BAIAP2: variants seen among roughly 807,000 people sequenced by gnomAD.
BAIAP2 encodes BAR/IMD domain containing adaptor protein 2.
Under a neutral mutation model 63.0 loss-of-function variants are expected in BAIAP2, and 18 were observed. That is an observed-to-expected ratio of 0.29 (90% CI 0.20 to 0.42). The LOEUF is 0.42. BAIAP2 is among the 10% of genes least tolerant of loss of function. The probability of loss-of-function intolerance (pLI) is 1.00; values close to 1 mark genes in which losing one functional copy is unlikely to be tolerated. For synonymous variants in BAIAP2, 386 were observed against 307.6 expected (o/e 1.25, Z -2.67); for missense variants, 610 against 734.3 (o/e 0.83, Z 1.96).
intron 3 of BAIAP2, among the ~76,000 whole-genome samples, chr17:81,062,447 A>G (rs1338322767): frequency 2.0e-5 from 3 of 151,908 alleles, no homozygotes; most frequent in Middle Eastern, 3.2e-3. Flanking sequence ...CTTCATTTTC[A>G]ATGCGCCATC....
At chr17:81,077,953 T>C (rs548521729) in intron 3 of BAIAP2, among the ~76,000 whole-genome samples, 1 of 147,782 alleles carries the variant, frequency 6.8e-6, no homozygotes, top group African/African-American at 2.5e-5. Flanking sequence ...GCGGGTGCCG[T>C]ATTGGGTGGG....
intron 3 of BAIAP2, among the ~76,000 whole-genome samples, chr17:81,067,402 T>C (rs1598610461): frequency 6.6e-6 from 1 of 152,294 alleles, no homozygotes; most frequent in Admixed American, 6.5e-5. Flanking sequence ...GGCCTCATGG[T>C]GGGCGGGTGG....
At position 81,111,271 on chromosome 17, in the gene BAIAP2, A is replaced by G. The variant is rs141307887; in HGVS notation, c.1535+2762A>G. Reference sequence around the variant, plus strand: ...CTCTCCTGCCCTGCTGGGCGCTTCAATTATAGTCAAAGGGTGACCCCGGCA... The same window carrying G: ...CTCTCCTGCCCTGCTGGGCGCTTCAGTTATAGTCAAAGGGTGACCCCGGCA... On this transcript the variant is annotated intron_variant, in intron 13 of 13. Transcript: ENST00000428708. 1.4e-4 allele frequency among the ~76,000 whole-genome samples: 21 copies of G among 152,252 alleles called. No homozygotes were observed. In the East Asian group the frequency reaches 3.7e-3, roughly 27 times the overall value.
intron 13 of BAIAP2, 164 bp downstream of exon 13, chr17:81,108,673 T>C (rs1434712821): frequency 2.9e-5 from 28 of 962,362 alleles, no homozygotes; most frequent in Non-Finnish European, 1.5e-5. Context: ...GCGTCCTGCT[T>C]TCTCCGAGTG....
At chr17:81,094,424 A>G (rs1024610175) in intron 6 of BAIAP2, among the ~76,000 whole-genome samples, 7 of 152,216 alleles carry the variant, frequency 4.6e-5, no homozygotes, top group Admixed American at 4.6e-4. Context: ...GAAAATGGGG[A>G]CCGTCAGGGC....
At chr17:81,082,503 C>T (rs1293224499) in intron 3 of BAIAP2, among the ~76,000 whole-genome samples, 1 of 152,210 alleles carries the variant, frequency 6.6e-6, no homozygotes, top group African/African-American at 2.4e-5. Flanking sequence ...CGTCCCCCAC[C>T]CCTGCCCTGC....
intron 7 of BAIAP2, among the ~76,000 whole-genome samples, chr17:81,102,869 G>A (rs373437016): frequency 2.3e-4 from 35 of 152,358 alleles, no homozygotes; most frequent in African/African-American, 8.4e-4. Flanking sequence ...AGGAGGGGCA[G>A]GGGTTACTTG....
chr17:81,036,751 C>G (rs1210948063), intron 1 of BAIAP2: 3 of 913,580 alleles, frequency 3.3e-6, no homozygotes, highest in Non-Finnish European at 5.0e-6. Flanking sequence ...TTCACAGAGT[C>G]TGTGGCATAC....
In BAIAP2 at chr17:81,103,732, G is replaced by C; in HGVS notation, c.864+9G>C. On this transcript the variant is annotated intron_variant, in intron 8 of 13. Transcript: ENST00000428708. ...TGGCACCGTTCGTGGGGGTGAGTCTGTGGCCTCTGGAAAGCTTCACGGGTG... is the reference window on the plus strand; with the variant it reads ...TGGCACCGTTCGTGGGGGTGAGTCTCTGGCCTCTGGAAAGCTTCACGGGTG... 2 of 1,591,762 alleles carry C rather than the reference G, an allele frequency of 1.3e-6. No individual in the cohort carries two copies. The highest frequency in any genetic ancestry group is 1.7e-6 in the Non-Finnish European group (2 of 1,172,380).
intron 13 of BAIAP2, among the ~76,000 whole-genome samples, chr17:81,111,694 A>G (rs1388263184): frequency 6.6e-6 from 1 of 151,962 alleles, no homozygotes; most frequent in Admixed American, 6.6e-5. Context: ...TGAGTGGGCC[A>G]CTCCCCTGGT....
chr17:81,049,763 C>A (rs1323277685), intron 1 of BAIAP2, among the ~76,000 whole-genome samples: 1 of 152,264 alleles, frequency 6.6e-6, no homozygotes, highest in African/African-American at 2.4e-5. Context: ...CCTGGGGACC[C>A]CCAGGCACTG....
At chr17:81,043,240 C>T (rs1462826553) in intron 1 of BAIAP2, among the ~76,000 whole-genome samples, 1 of 152,164 alleles carries the variant, frequency 6.6e-6, no homozygotes, top group Non-Finnish European at 1.5e-5. Context: ...GGACCTGGGT[C>T]CCCCCATACC....
rs141610240 is a variant in BAIAP2, at chr17:81,054,969, C to T, written c.130+1226C>T. On this transcript the variant is annotated intron_variant, in intron 2 of 13. Transcript: ENST00000428708. ...CCCCCGGTCTCCCTGTACCCTCTAC[C>T]GTGTCTGTCCCTGTAACTGCAGCAT... is the stretch of plus-strand genomic sequence containing the variant. Among the ~76,000 whole-genome samples, 301 of 152,268 alleles carry T rather than the reference C, an allele frequency of 2.0e-3. 1 individual carries two copies. Among genetic ancestry groups the T allele is most frequent in the African/African-American group, 6.9e-3 (285 of 41,536 alleles).
chr17:81,101,161 C>T (rs940617216), intron 7 of BAIAP2, among the ~76,000 whole-genome samples: 8 of 152,164 alleles, frequency 5.3e-5, no homozygotes, highest in East Asian at 1.9e-4. Flanking sequence ...CCTGTGTTTC[C>T]GGCATCCCCA....
At chr17:81,062,296 T>C (rs2050689954) in intron 3 of BAIAP2, among the ~76,000 whole-genome samples, 1 of 137,904 alleles carries the variant, frequency 7.3e-6, no homozygotes, top group Non-Finnish European at 1.6e-5. Flanking sequence ...TTAATGTAGT[T>C]CAATGGACTG....
chr17:81,096,354 G>A (rs2057610186), intron 6 of BAIAP2, among the ~76,000 whole-genome samples: 1 of 152,208 alleles, frequency 6.6e-6, no homozygotes, highest in South Asian at 2.1e-4. Context: ...GTTTCTCCAT[G>A]GAACCTCACA....
intron 3 of BAIAP2, among the ~76,000 whole-genome samples, chr17:81,075,418 C>T (rs901555297): frequency 3.3e-5 from 5 of 152,220 alleles, no homozygotes; most frequent in Admixed American, 6.5e-5. Flanking sequence ...GTGAAGCGAT[C>T]GGAAGGAGCT....
At chr17:81,099,825 G>A (rs756391746) in intron 6 of BAIAP2, 103 bp from the exon 7 acceptor site, 73 of 1,338,908 alleles carry the variant, frequency 5.5e-5, no homozygotes, top group Non-Finnish European at 7.5e-5. Flanking sequence ...TGCTCTGCAT[G>A]AATGAGACGT....
chr17:81,086,413 TG>T (rs1568139919), intron 5 of BAIAP2, 29 bp from the exon 6 acceptor site: 1 of 1,610,674 alleles, frequency 6.2e-7, no homozygotes, highest in South Asian at 1.1e-5. Context: ...TCATGGGCCT[TG>T]GTTTTGTGTT....
Sources: gnomAD v4.1 joint callset for allele counts (sites outside exome capture counted in the v4.1 genomes callset) on GRCh38, gnomAD v4.1.1 for gene constraint, MANE v1.5 for transcripts, NCBI Gene and HGNC (gene_info 2026-07-23, HGNC 2026-07-21) for gene names.